The following MCU variants were observed in gnomAD, a reference collection of about 807,000 sequenced individuals.
The protein encoded by MCU is calcium uniporter protein, mitochondrial.
A neutral mutation model predicts 45.2 loss-of-function variants in MCU; 12 were observed. The observed-to-expected ratio is 0.27, with a 90% CI of 0.17 to 0.43. MCU has a LOEUF of 0.43. Ranked by LOEUF, MCU falls within the 20% of genes least tolerant of loss-of-function variation. The probability of loss-of-function intolerance (pLI) is 1.00; values close to 1 mark genes in which losing one functional copy is unlikely to be tolerated. For synonymous variants in MCU, 160 were observed against 165.1 expected (o/e 0.97, Z 0.24); for missense variants, 324 against 436.7 (o/e 0.74, Z 2.30).
chr10:72,706,221 C>CT (rs1410907931), intron 1 of MCU, among the ~76,000 whole-genome samples: 8,270 of 134,034 alleles, frequency 0.062, 760 homozygotes, highest in African/African-American at 0.21. Flanking sequence ...ATGGTCTTAT[C>CT]TTTTTTTTTT....
At chr10:72,864,402 G>A (rs1024311690) in intron 4 of MCU, among the ~76,000 whole-genome samples, 10 of 152,154 alleles carry the variant, frequency 6.6e-5, no homozygotes, top group Non-Finnish European at 1.2e-4. Flanking sequence ...TGCTTGATAC[G>A]TACCGTAGAC....
chr10:72,779,161 G>A (rs1411684167), intron 1 of MCU, among the ~76,000 whole-genome samples: 2 of 152,004 alleles, frequency 1.3e-5, no homozygotes, highest in East Asian at 1.9e-4. Flanking sequence ...GTAGAGACAG[G>A]GTTTCACCAT....
intron 1 of MCU, among the ~76,000 whole-genome samples, chr10:72,697,802 C>T (rs949882537): frequency 6.6e-6 from 1 of 152,042 alleles, no homozygotes; most frequent in African/African-American, 2.4e-5. Flanking sequence ...CAGTCTTGTT[C>T]TCTTAACCAG....
At chr10:72,859,375 A>G in intron 3 of MCU, 28 bp downstream of exon 3, 1 of 1,578,330 alleles carries the variant, frequency 6.3e-7, no homozygotes, top group South Asian at 1.2e-5. Context: ...ATTAATTACC[A>G]TCTATCCCTC....
chr10:72,752,359 G>A (rs1450602937), intron 1 of MCU, among the ~76,000 whole-genome samples: 1 of 151,856 alleles, frequency 6.6e-6, no homozygotes, highest in East Asian at 1.9e-4. Context: ...GCCTCCCAGT[G>A]TGCTGGGATT....
chr10:72,730,322 T>G (rs1426865613), intron 1 of MCU, among the ~76,000 whole-genome samples: 2 of 148,490 alleles, frequency 1.3e-5, no homozygotes, highest in Non-Finnish European at 1.5e-5. Flanking sequence ...TTTTTTTTTT[T>G]TTTTGAGACG....
chr10:72,722,476 G>A (rs772933956), intron 1 of MCU, among the ~76,000 whole-genome samples: 58 of 151,358 alleles, frequency 3.8e-4, no homozygotes, highest in Non-Finnish European at 5.6e-4. Context: ...ATTACAGTGA[G>A]GTAACAAGAT....
At chr10:72,852,191 G>T (rs893409005) in intron 2 of MCU, among the ~76,000 whole-genome samples, 13 of 152,180 alleles carry the variant, frequency 8.5e-5, no homozygotes, top group Non-Finnish European at 1.8e-4. Context: ...TCTCATGTTA[G>T]TGGTTCTGAC....
chr10:72,807,703 A>AT (rs1178124535), intron 1 of MCU, among the ~76,000 whole-genome samples: 1 of 152,084 alleles, frequency 6.6e-6, no homozygotes, highest in Non-Finnish European at 1.5e-5. Flanking sequence ...CTGATGCTGG[A>AT]TTTTTTACTT....
intron 1 of MCU, among the ~76,000 whole-genome samples, chr10:72,696,045 C>T (rs2132642348): frequency 6.6e-6 from 1 of 150,830 alleles, no homozygotes; most frequent in South Asian, 2.1e-4. Flanking sequence ...GCCTGTAGTC[C>T]CAGCTACTCG....
At chr10:72,715,780 C>T in intron 1 of MCU, 1 of 711,368 alleles carries the variant, frequency 1.4e-6, no homozygotes. Context: ...GTAAATTTTG[C>T]CTATATAAAT....
chr10:72,850,454 A>G (rs1845191370), intron 2 of MCU, among the ~76,000 whole-genome samples: 1 of 152,170 alleles, frequency 6.6e-6, no homozygotes, highest in Non-Finnish European at 1.5e-5. Flanking sequence ...CCCTCAAGAT[A>G]TATACAGGTG....
chr10:72,692,357 AGCCGCCGGCGGGCAG>A (rs1244040369), intron 1 of MCU, 56 bp downstream of exon 1: 6 of 1,164,180 alleles, frequency 5.2e-6, no homozygotes, highest in African/African-American at 4.9e-5. Flanking sequence ...GGCGTGTGGG[AGCCGCCGGCGGGCAG>A]GCCGCCGGGG....
At chr10:72,769,236 C>A (rs935999441) in intron 1 of MCU, among the ~76,000 whole-genome samples, 1 of 151,996 alleles carries the variant, frequency 6.6e-6, no homozygotes, top group Non-Finnish European at 1.5e-5. Flanking sequence ...TAAAATGAAC[C>A]TTAAGTGGTT....
intron 1 of MCU, among the ~76,000 whole-genome samples, chr10:72,794,130 A>G (rs1844209332): frequency 6.6e-6 from 1 of 152,208 alleles, no homozygotes; most frequent in Admixed American, 6.5e-5. Flanking sequence ...AAAAAAATAA[A>G]TCAAGTCCAT....
chr10:72,784,955 G>A (rs1455905052), intron 1 of MCU, among the ~76,000 whole-genome samples: 2 of 152,150 alleles, frequency 1.3e-5, no homozygotes, highest in Non-Finnish European at 2.9e-5. Flanking sequence ...TTCCTGGTGT[G>A]TGTGTCTTTT....
intron 1 of MCU, among the ~76,000 whole-genome samples, chr10:72,715,511 T>C (rs1344651534): frequency 1.3e-5 from 2 of 152,180 alleles, no homozygotes; most frequent in Non-Finnish European, 2.9e-5. Flanking sequence ...ATCAGAACTA[T>C]GCTACCTCAC....
At chr10:72,860,955 G>A (rs568721252) in intron 4 of MCU, among the ~76,000 whole-genome samples, 14 of 152,234 alleles carry the variant, frequency 9.2e-5, no homozygotes, top group Admixed American at 9.2e-4. Flanking sequence ...TCAGCAATCT[G>A]AAAGTCAGTT....
At chr10:72,819,376 C>T (rs1162828748) in intron 1 of MCU, among the ~76,000 whole-genome samples, 1 of 152,178 alleles carries the variant, frequency 6.6e-6, no homozygotes, top group Non-Finnish European at 1.5e-5. Context: ...TTAATTGTTG[C>T]TACTTCTGTT....
Sources: gnomAD v4.1 joint callset for allele counts (sites outside exome capture counted in the v4.1 genomes callset) on GRCh38, gnomAD v4.1.1 for gene constraint, MANE v1.5 for transcripts, NCBI Gene and HGNC (gene_info 2026-07-23, HGNC 2026-07-21) for gene names.